Variants in THRB observed in about 807,000 individuals in gnomAD.
The protein encoded by THRB is thyroid hormone receptor beta, also known as nuclear receptor subfamily 1 group A member 2.
THRB carries 12 observed loss-of-function variants against 47.8 expected under a neutral mutation model. That is an observed-to-expected ratio of 0.25 (90% CI 0.16 to 0.41). The LOEUF (loss-of-function observed/expected upper bound fraction) is 0.41, where lower values mean the gene tolerates loss of function less well. Among genes scored for constraint, THRB ranks in the 10% least tolerant of loss-of-function variants. THRB has a pLI of 1.00. For missense variants in THRB, 348 were observed against 589.2 expected (o/e 0.59, Z 4.24); for synonymous variants, 218 against 212.2 (o/e 1.03, Z -0.24).
intron 4 of THRB, among the ~76,000 whole-genome samples, chr3:24,225,804 C>T (rs826222): frequency 0.72 from 109,209 of 152,012 alleles, 40,486 homozygotes; most frequent in African/African-American, 0.9. Context: ...AATATTGTAT[C>T]AAGGTACTTT....
At chr3:24,320,826 G>C (rs1464218545) in intron 2 of THRB, among the ~76,000 whole-genome samples, 1 of 152,032 alleles carries the variant, frequency 6.6e-6, no homozygotes, top group Non-Finnish European at 1.5e-5. Flanking sequence ...TCTTGGACTT[G>C]AGGCCTATGT....
At chr3:24,227,214 A>G (rs1418280872) in intron 4 of THRB, among the ~76,000 whole-genome samples, 1 of 152,172 alleles carries the variant, frequency 6.6e-6, no homozygotes, top group East Asian at 1.9e-4. Context: ...CCTTTATCAG[A>G]AAGGAATACT....
intron 1 of THRB, among the ~76,000 whole-genome samples, chr3:24,367,323 T>TA (rs2064548071): frequency 6.6e-6 from 1 of 152,164 alleles, no homozygotes; most frequent in Non-Finnish European, 1.5e-5. Context: ...TAAGGGATGG[T>TA]AAAAACCCTT....
chr3:24,338,383 ATGTT>A (rs2149435795), intron 1 of THRB, among the ~76,000 whole-genome samples: 1 of 152,236 alleles, frequency 6.6e-6, no homozygotes, highest in East Asian at 1.9e-4. Context: ...GCAATGAACA[ATGTT>A]TGTGTATTTT....
intron 3 of THRB, among the ~76,000 whole-genome samples, chr3:24,292,781 A>G (rs2056064624): frequency 1.3e-5 from 2 of 152,348 alleles, no homozygotes; most frequent in East Asian, 1.9e-4. Context: ...TGCTATAACC[A>G]AGGGATTTTA....
intron 1 of THRB, among the ~76,000 whole-genome samples, chr3:24,470,743 A>G (rs2074501506): frequency 6.6e-6 from 1 of 152,094 alleles, no homozygotes; most frequent in Non-Finnish European, 1.5e-5. Context: ...CAGCCTCCCC[A>G]GTAGCTGGGA....
At chr3:24,225,823 CTTCT>C (rs979778037) in intron 4 of THRB, among the ~76,000 whole-genome samples, 13 of 152,162 alleles carry the variant, frequency 8.5e-5, no homozygotes, top group African/African-American at 2.4e-4. Context: ...TTTTTACTTC[CTTCT>C]TTAAGAATTG....
At chr3:24,432,563 G>A (rs1035441689) in intron 1 of THRB, among the ~76,000 whole-genome samples, 4 of 151,994 alleles carry the variant, frequency 2.6e-5, no homozygotes, top group Admixed American at 2.0e-4. Context: ...AGAGCTTCCA[G>A]GGAAAGTTAA....
intron 8 of THRB, among the ~76,000 whole-genome samples, chr3:24,135,844 TATA>T (rs1559422491): frequency 1.4e-4 from 12 of 87,634 alleles, no homozygotes; most frequent in East Asian, 6.0e-4. Flanking sequence ...TATATATATA[TATA>T]ATACATAAAT....
At chr3:24,454,533 T>G (rs1023281976) in intron 1 of THRB, among the ~76,000 whole-genome samples, 4 of 152,178 alleles carry the variant, frequency 2.6e-5, no homozygotes, top group African/African-American at 9.6e-5. Context: ...AATAAAGCTG[T>G]TTAAAAATAG....
chr3:24,145,346 C>G (rs2035949042), intron 7 of THRB, among the ~76,000 whole-genome samples: 1 of 152,100 alleles, frequency 6.6e-6, no homozygotes, highest in Admixed American at 6.6e-5. Context: ...GAATCCCTCA[C>G]AAGCAAGTAA....
At chr3:24,172,580 C>T (rs918311031) in intron 5 of THRB, among the ~76,000 whole-genome samples, 2 of 152,056 alleles carry the variant, frequency 1.3e-5, no homozygotes, top group African/African-American at 2.4e-5. Context: ...AATCGATCAC[C>T]AAGCAGAATA....
intron 3 of THRB, among the ~76,000 whole-genome samples, chr3:24,276,478 G>A (rs986972130): frequency 6.6e-6 from 1 of 152,182 alleles, no homozygotes; most frequent in Non-Finnish European, 1.5e-5. Context: ...CTTGAAAAGA[G>A]TACCTAATTT....
intron 1 of THRB, among the ~76,000 whole-genome samples, chr3:24,396,225 A>C (rs577475484): frequency 2.6e-5 from 4 of 152,142 alleles, no homozygotes; most frequent in African/African-American, 9.6e-5. Flanking sequence ...TATAGACCTT[A>C]GTTCTCAGCT....
intron 2 of THRB, among the ~76,000 whole-genome samples, chr3:24,325,218 A>G (rs2058727996): frequency 6.6e-6 from 1 of 152,190 alleles, no homozygotes; most frequent in South Asian, 2.1e-4. Flanking sequence ...TTATTACTAC[A>G]TGGTGGTCCC....
At chr3:24,435,720 C>T (rs1560180613) in intron 1 of THRB, among the ~76,000 whole-genome samples, 1 of 152,184 alleles carries the variant, frequency 6.6e-6, no homozygotes, top group Non-Finnish European at 1.5e-5. Flanking sequence ...AAATCAGTCC[C>T]CAAAGTATTG....
chr3:24,233,560 G>GACGAAAGAAAGAGAAAGA (rs2048479433), intron 3 of THRB, among the ~76,000 whole-genome samples: 1 of 77,302 alleles, frequency 1.3e-5, no homozygotes. Flanking sequence ...AAAGAAAAAG[G>GACGAAAGAAAGAGAAAGA]AAGAAAGAAA....
intron 4 of THRB, among the ~76,000 whole-genome samples, chr3:24,214,487 A>T (rs142490224): frequency 6.6e-6 from 1 of 152,228 alleles, no homozygotes; most frequent in East Asian, 1.9e-4. Flanking sequence ...AAATCATAGG[A>T]AACAATAAAA....
At chr3:24,408,241 A>G (rs1445200464) in intron 1 of THRB, among the ~76,000 whole-genome samples, 1 of 151,880 alleles carries the variant, frequency 6.6e-6, no homozygotes, top group East Asian at 1.9e-4. Flanking sequence ...ATAGAAATAT[A>G]TCCATCAATT....
Sources: allele counts gnomAD v4.1 joint callset (sites outside exome capture counted in the v4.1 genomes callset), GRCh38; gene constraint gnomAD v4.1.1; transcripts MANE v1.5; gene names NCBI Gene and HGNC (gene_info 2026-07-23, HGNC 2026-07-21).